ERC1: variants seen among roughly 807,000 people sequenced by gnomAD.
The protein encoded by ERC1 is RAB6 interacting protein 2.
In ERC1, 56 loss-of-function variants were observed where a neutral mutation model predicts 132.0. The observed-to-expected ratio is 0.42, with a 90% CI of 0.34 to 0.53. The LOEUF (loss-of-function observed/expected upper bound fraction) is 0.53, where lower values mean the gene tolerates loss of function less well. Among genes scored for constraint, ERC1 ranks in the 20% least tolerant of loss-of-function variants. ERC1 has a pLI of 0.03. For synonymous variants in ERC1, 478 were observed against 476.1 expected, an observed-to-expected ratio of 1.00 and a Z score of -0.05; for missense variants, 1,202 against 1,349.9, an observed-to-expected ratio of 0.89 and a Z score of 1.72.
intron 3 of ERC1, among the ~76,000 whole-genome samples, chr12:1,096,246 G>A (rs1010197177): frequency 3.3e-5 from 5 of 152,090 alleles, no homozygotes; most frequent in African/African-American, 1.2e-4. Context: ...TTATTCAAAT[G>A]GATTTTTCGG....
chr12:1,363,705 C>A (rs2086382609), intron 15 of ERC1, among the ~76,000 whole-genome samples: 1 of 151,974 alleles, frequency 6.6e-6, no homozygotes, highest in Non-Finnish European at 1.5e-5. Context: ...TAGGCATGCA[C>A]CACCAGGCCC....
intron 13 of ERC1, among the ~76,000 whole-genome samples, chr12:1,247,109 T>G (rs2076202802): frequency 6.8e-6 from 1 of 147,196 alleles, no homozygotes; most frequent in Non-Finnish European, 1.5e-5. Context: ...AGCCCAGGAG[T>G]TTGAGGTTGC....
In ERC1 at chr12:1,444,665, G is replaced by A. The variant is rs143825736; in HGVS notation, c.3128G>A (p.Arg1043His). The change falls in exon 18 of 19, where the codon CGT becomes CAT. Residue 1043 changes from arginine (R) to histidine (H), a missense_variant. Transcript: ENST00000360905. Reference sequence around the variant, plus strand: ...CATGACCGAGACCCCCTGATCCTCCGTGGACTCACTCCACCAGCTTCCTAT... The same window carrying A: ...CATGACCGAGACCCCCTGATCCTCCATGGACTCACTCCACCAGCTTCCTAT... ...LCHDRDPLILRGLTPPASYNL... is the reference protein window; with the variant it reads ...LCHDRDPLILHGLTPPASYNL... 24 of 1,613,976 alleles carry A rather than the reference G, an allele frequency of 1.5e-5. No individual in the cohort carries two copies. Among genetic ancestry groups the A allele is most frequent in the East Asian group, 4.5e-5 (2 of 44,904 alleles).
intron 17 of ERC1, among the ~76,000 whole-genome samples, chr12:1,426,448 A>C (rs1201320209): frequency 7.2e-5 from 11 of 152,188 alleles, no homozygotes; most frequent in Admixed American, 7.2e-4. Flanking sequence ...TGTCAATAGG[A>C]GCAGGGTGTA....
chr12:1,382,219 A>G (rs868166699), intron 16 of ERC1, among the ~76,000 whole-genome samples: 3 of 152,244 alleles, frequency 2.0e-5, no homozygotes, highest in Non-Finnish European at 4.4e-5. Context: ...CATTTTACAA[A>G]GTACTATTCA....
At chr12:1,112,032 TG>T (rs1432669878) in intron 5 of ERC1, among the ~76,000 whole-genome samples, 182 bp from the exon 6 acceptor site, 1 of 97,814 alleles carries the variant, frequency 1.0e-5, no homozygotes, top group African/African-American at 3.9e-5. Flanking sequence ...CAGTCCACTG[TG>T]GGGGGAAAAA....
chr12:1,402,614 A>AACACACACACACAC (rs56777839), intron 16 of ERC1, among the ~76,000 whole-genome samples: 6,157 of 144,796 alleles, frequency 0.043, 163 homozygotes, highest in East Asian at 0.071. Context: ...TGTAACCCCC[A>AACACACACACACAC]ACACACACAC....
intron 15 of ERC1, among the ~76,000 whole-genome samples, chr12:1,360,708 AAT>A (rs2086006986): frequency 6.6e-6 from 1 of 152,202 alleles, no homozygotes; most frequent in Non-Finnish European, 1.5e-5. Flanking sequence ...TTCCCTGAAG[AAT>A]ATATCTTTCA....
intron 14 of ERC1, among the ~76,000 whole-genome samples, chr12:1,273,878 A>G (rs1235908516): frequency 1.3e-5 from 2 of 152,234 alleles, no homozygotes; most frequent in African/African-American, 4.8e-5. Context: ...TAGGATATTC[A>G]AATACAAGCA....
chr12:1,186,658 G>A (rs1336403069), intron 11 of ERC1, among the ~76,000 whole-genome samples: 2 of 152,130 alleles, frequency 1.3e-5, no homozygotes, highest in Admixed American at 6.5e-5. Context: ...ATAGGTTAAC[G>A]TATAGTTAGA....
chr12:1,297,213 A>AG (rs2080024646), intron 15 of ERC1, among the ~76,000 whole-genome samples: 1 of 151,666 alleles, frequency 6.6e-6, no homozygotes, highest in South Asian at 2.1e-4. Flanking sequence ...AAAAAAAAAA[A>AG]AATTAGCCTA....
At chr12:1,298,407 G>T (rs2080131377) in intron 15 of ERC1, among the ~76,000 whole-genome samples, 1 of 151,840 alleles carries the variant, frequency 6.6e-6, no homozygotes. Flanking sequence ...GCCGGGTGTG[G>T]TGGCGGGTGT....
chr12:1,225,976 C>T (rs1175667785), intron 12 of ERC1, among the ~76,000 whole-genome samples: 2 of 152,098 alleles, frequency 1.3e-5, no homozygotes, highest in Non-Finnish European at 1.5e-5. Context: ...TTTGTCTTCT[C>T]TAATGCCAGG....
intron 7 of ERC1, among the ~76,000 whole-genome samples, chr12:1,123,962 T>C (rs973037419): frequency 6.6e-6 from 1 of 152,178 alleles, no homozygotes; most frequent in Non-Finnish European, 1.5e-5. Context: ...TACCCCTGGG[T>C]GACAGCGCAA....
chr12:1,192,437 C>A lies in ERC1; in HGVS notation c.2351+2385C>A, dbSNP rs537811276. On this transcript the variant is annotated intron_variant, in intron 12 of 18. Transcript: ENST00000360905. Reference sequence around the variant, plus strand: ...GTGTTTCTTACTAATCATTTGCTTCCTATGTTGCCATTCCACTATTTCCTA... The same window carrying A: ...GTGTTTCTTACTAATCATTTGCTTCATATGTTGCCATTCCACTATTTCCTA... Among the ~76,000 whole-genome samples the A allele has an allele frequency of 2.0e-5, 3 of 152,306 alleles. No homozygotes were observed. In the East Asian group the frequency reaches 5.8e-4, roughly 29 times the overall value.
intron 18 of ERC1, chr12:1,480,956 C>G (rs1224305845): frequency 1.4e-6 from 1 of 701,618 alleles, no homozygotes; most frequent in African/African-American, 1.7e-5. Flanking sequence ...CTGTTGCAAG[C>G]TCCCCAGTGG....
At chr12:1,155,712 C>T (rs894274461) in intron 8 of ERC1, among the ~76,000 whole-genome samples, 1 of 152,166 alleles carries the variant, frequency 6.6e-6, no homozygotes, top group African/African-American at 2.4e-5. Flanking sequence ...ACCTCGTGAT[C>T]TGCCTGCCTC....
chr12:1,286,674 A>G (rs2079064261), intron 14 of ERC1, among the ~76,000 whole-genome samples: 1 of 152,192 alleles, frequency 6.6e-6, no homozygotes, highest in Non-Finnish European at 1.5e-5. Context: ...TATATAGTAA[A>G]CTTCAAAATC....
chr12:999,668 A>G (rs531492515), intron 1 of ERC1, among the ~76,000 whole-genome samples: 11 of 137,584 alleles, frequency 8.0e-5, no homozygotes, highest in Non-Finnish European at 1.2e-4. Context: ...CTGGAGTGCA[A>G]TGGTGCAACC....
Sources: allele counts gnomAD v4.1 joint callset (sites outside exome capture counted in the v4.1 genomes callset), GRCh38; gene constraint gnomAD v4.1.1; transcripts MANE v1.5; gene names NCBI Gene and HGNC (gene_info 2026-07-23, HGNC 2026-07-21).